CCNB2: variants seen among roughly 807,000 people sequenced by gnomAD.
CCNB2 encodes G2/mitotic-specific cyclin-B2.
CCNB2 carries 39 observed loss-of-function variants against 51.1 expected under a neutral mutation model. The observed-to-expected ratio is 0.76, with a 90% CI of 0.59 to 1.00. The LOEUF is 1.00. Ranked by LOEUF, CCNB2 falls within the 50% of genes least tolerant of loss-of-function variation. The probability of loss-of-function intolerance (pLI) is 0.00; values close to 1 mark genes in which losing one functional copy is unlikely to be tolerated. For missense variants in CCNB2, 472 were observed against 470.3 expected (o/e 1.00, Z -0.03); for synonymous variants, 174 against 165.5 (o/e 1.05, Z -0.40).
intron 3 of CCNB2, among the ~76,000 whole-genome samples, chr15:59,111,551 C>G (rs975123516): frequency 6.6e-6 from 1 of 152,206 alleles, no homozygotes; most frequent in Non-Finnish European, 1.5e-5. Context: ...AAATCTGATT[C>G]TAGTCACTTG....
At position 59,117,357 on chromosome 15, in the gene CCNB2, C is replaced by T. The variant is rs1363094792; in HGVS notation, c.964C>T (p.Gln322Ter). 1.9e-6 allele frequency: 3 copies of T among 1,613,478 alleles called. No individual in the cohort carries two copies. Among genetic ancestry groups the T allele is most frequent in the Admixed American group, 3.3e-5 (2 of 59,974 alleles). The change falls in exon 7 of 9, where the codon CAA becomes TAA. Residue 322 changes from glutamine (Q) to a stop codon, truncating the protein, a stop_gained. Coordinates refer to ENST00000288207, the MANE Select transcript of CCNB2 (RefSeq NM_004701.4). LOFTEE classifies it high-confidence loss of function. ...CTGCTTGTCTCAGAAGGTTCTAGGA[C>T]AAGGAAAATGGGTGAGTGGTGGATT... ...ASCLSQKVLG[Q>*]GKWNLKQQYY...
At chr15:59,124,733 C>G in intron 8 of CCNB2, 34 bp from the exon 9 acceptor site, 1 of 1,450,672 alleles carries the variant, frequency 6.9e-7, no homozygotes, top group Non-Finnish European at 9.7e-7. Flanking sequence ...TTGGGGGTTC[C>G]TGACATGTGC....
intron 7 of CCNB2, among the ~76,000 whole-genome samples, chr15:59,118,580 A>C (rs953493342): frequency 9.9e-5 from 15 of 152,240 alleles, no homozygotes; most frequent in African/African-American, 3.6e-4. Flanking sequence ...GCTACTCTGG[A>C]GGCCTAGGCA....
At chr15:59,121,205 A>G (rs1185470159) in intron 7 of CCNB2, 1 of 152,224 alleles carries the variant, frequency 6.6e-6, no homozygotes, top group Non-Finnish European at 1.5e-5. Flanking sequence ...GTGAGTATAC[A>G]CAGAGAGGGA....
intron 5 of CCNB2, among the ~76,000 whole-genome samples, chr15:59,115,284 C>G (rs1402207457): frequency 6.6e-6 from 1 of 152,074 alleles, no homozygotes; most frequent in African/African-American, 2.4e-5. Flanking sequence ...ATGAGTTTGG[C>G]TGGAGAACCT....
At chr15:59,123,391 G>C in intron 7 of CCNB2, 126 bp from the exon 8 acceptor site, 1 of 618,096 alleles carries the variant, frequency 1.6e-6, no homozygotes, top group South Asian at 2.1e-5. Context: ...TTTCCAGAAG[G>C]TAAGAATATT....
chr15:59,109,045 A>T (rs2079247015), intron 3 of CCNB2, among the ~76,000 whole-genome samples: 1 of 152,136 alleles, frequency 6.6e-6, no homozygotes, highest in African/African-American at 2.4e-5. Context: ...GCGATTTGGC[A>T]GTATATGTAT....
chr15:59,105,227 C>G lies in CCNB2; in HGVS notation c.-42C>G, dbSNP rs771940160. 9 of 1,549,444 alleles carry G rather than the reference C, an allele frequency of 5.8e-6. No homozygotes were observed. Among genetic ancestry groups the G allele is most frequent in the Non-Finnish European group, 7.8e-6 (9 of 1,146,930 alleles). ...GTGTCCTCCCTTTTCAGTCCGCGTC[C>G]CTCCCTGGGCCGGGCTGGCACTCTT... On this transcript the variant is annotated 5_prime_UTR_variant, in exon 1 of 9. Transcript: ENST00000288207.
At chr15:59,109,550 T>A (rs2079249737) in intron 3 of CCNB2, among the ~76,000 whole-genome samples, 1 of 152,184 alleles carries the variant, frequency 6.6e-6, no homozygotes, top group African/African-American at 2.4e-5. Context: ...TAACATTAAG[T>A]GGAAAAATCA....
Position 59,114,892 on chromosome 15 carries a change from G to C in CCNB2, c.597+16G>C, listed in dbSNP as rs1217142300. Reference sequence around the variant, plus strand: ...ATTTTTACAGGTAGGTGTGGCTTCAGGGACTTCACGCCAGTGGCTCATTGA... The same window carrying C: ...ATTTTTACAGGTAGGTGTGGCTTCACGGACTTCACGCCAGTGGCTCATTGA... On this transcript the variant is annotated intron_variant, in intron 5 of 8. Coordinates refer to ENST00000288207, the MANE Select transcript of CCNB2 (RefSeq NM_004701.4). 2.5e-6 allele frequency: 4 copies of C among 1,603,194 alleles called. No homozygotes were observed. The highest frequency in any genetic ancestry group is 3.4e-6 in the Non-Finnish European group (4 of 1,171,610).
At chr15:59,110,727 A>G (rs1251962541) in intron 3 of CCNB2, among the ~76,000 whole-genome samples, 3 of 152,246 alleles carry the variant, frequency 2.0e-5, no homozygotes, top group Non-Finnish European at 4.4e-5. Flanking sequence ...AGTTGACACA[A>G]CTGAATCACA....
rs142338763 is a variant in CCNB2 at position 59,111,474 on chromosome 15, T to G, written c.268-2970T>G. ...TTGTTATTGACTGCCCTTCCAGGGG[T>G]GGGTGATAATGCTTATCCTTGAAAA... is the stretch of plus-strand genomic sequence containing the variant. On this transcript the variant is annotated intron_variant, in intron 3 of 8. Coordinates refer to ENST00000288207, the MANE Select transcript of CCNB2 (RefSeq NM_004701.4). Among the ~76,000 whole-genome samples the G allele has an allele frequency of 7.0e-3, 1,066 of 152,326 alleles. 14 individuals carry two copies. Among genetic ancestry groups the G allele is most frequent in the African/African-American group, 0.025 (1,028 of 41,578 alleles).
chr15:59,117,809 A>C (rs1211249103), intron 7 of CCNB2, among the ~76,000 whole-genome samples: 1 of 152,128 alleles, frequency 6.6e-6, no homozygotes, highest in Non-Finnish European at 1.5e-5. Flanking sequence ...AAGGAAAACT[A>C]CTTGGAGAGG....
At position 59,107,429 on chromosome 15, in the gene CCNB2, C is replaced by T. The variant is rs1389993457; in HGVS notation, c.132C>T (p.Thr44=). 6.2e-7 allele frequency: 1 copy of T among 1,613,798 alleles called. No individual in the cohort carries two copies. Among genetic ancestry groups the T allele is most frequent in the Non-Finnish European group, 8.5e-7 (1 of 1,179,970 alleles). ...VLEEIGNRVT[T]RAAQVAKKAQ... ...AAGAAATTGGAAATAGAGTTACAAC[C>T]AGAGCAGCACAAGTAGCTAAGGTAA... The change falls in exon 2 of 9, where the codon ACC becomes ACT. Residue 44 remains threonine, a synonymous_variant. Coordinates refer to ENST00000288207, the MANE Select transcript of CCNB2 (RefSeq NM_004701.4).
At chr15:59,116,057 T>C (rs1596331606) in intron 5 of CCNB2, 1 of 151,364 alleles carries the variant, frequency 6.6e-6, no homozygotes, top group African/African-American at 2.4e-5. Flanking sequence ...TAATGAGAGT[T>C]GAAGCAAGAA....
chr15:59,124,296 C>A (rs1368111196), intron 8 of CCNB2: 1 of 170,768 alleles, frequency 5.9e-6, no homozygotes, highest in African/African-American at 2.4e-5. Context: ...AGTGTCCTCA[C>A]AACATGATTT....
At chr15:59,107,727 C>A (rs1596329544) in intron 3 of CCNB2, 57 bp downstream of exon 3, 1 of 1,319,344 alleles carries the variant, frequency 7.6e-7, no homozygotes, top group East Asian at 2.3e-5. Flanking sequence ...TTTAGCCAGA[C>A]TACAAGGGTG....
At chr15:59,114,302 A>T in intron 3 of CCNB2, 142 bp from the exon 4 acceptor site, 1 of 595,712 alleles carries the variant, frequency 1.7e-6, no homozygotes, top group Non-Finnish European at 2.9e-6. Flanking sequence ...CTATATCTTG[A>T]ATTATTCACC....
intron 3 of CCNB2, among the ~76,000 whole-genome samples, chr15:59,109,694 C>T (rs1415375434): frequency 1.3e-5 from 2 of 152,124 alleles, no homozygotes; most frequent in African/African-American, 2.4e-5. Context: ...TTCCTTAAAA[C>T]GTCAAACTTT....
Sources: gnomAD v4.1 joint callset for allele counts (sites outside exome capture counted in the v4.1 genomes callset) on GRCh38, gnomAD v4.1.1 for gene constraint, MANE v1.5 for transcripts, NCBI Gene and HGNC (gene_info 2026-07-23, HGNC 2026-07-21) for gene names.